KCNIP4: variants seen among roughly 807,000 people sequenced by gnomAD.
KCNIP4 encodes the protein Kv channel-interacting protein 4.
In KCNIP4, 12 loss-of-function variants were observed where a neutral mutation model predicts 34.0. That is an observed-to-expected ratio of 0.35 (90% confidence interval 0.23 to 0.57). The LOEUF (loss-of-function observed/expected upper bound fraction) is 0.57, where lower values mean the gene tolerates loss of function less well. KCNIP4 is among the 20% of genes least tolerant of loss of function. KCNIP4 has a pLI of 0.83. For missense variants in KCNIP4, 238 were observed against 311.7 expected, an observed-to-expected ratio of 0.76 and a Z score of 1.78; for synonymous variants, 124 against 102.2, an observed-to-expected ratio of 1.21 and a Z score of -1.29.
At chr4:21,062,190 T>A (rs908247410) in intron 1 of KCNIP4, among the ~76,000 whole-genome samples, 7 of 152,156 alleles carry the variant, frequency 4.6e-5, no homozygotes, top group Non-Finnish European at 1.0e-4. Context: ...TAGATGACAA[T>A]GTAAATTAAA....
At chr4:21,056,121 T>A (rs1005850390) in intron 1 of KCNIP4, among the ~76,000 whole-genome samples, 3 of 152,102 alleles carry the variant, frequency 2.0e-5, no homozygotes, top group African/African-American at 7.2e-5. Context: ...AAGTCTTTCT[T>A]AAAAAGAGTC....
chr4:21,393,829 A>G (rs1162826113), intron 1 of KCNIP4, among the ~76,000 whole-genome samples: 1 of 152,176 alleles, frequency 6.6e-6, no homozygotes, highest in East Asian at 1.9e-4. Flanking sequence ...AACATTTTAC[A>G]TTTAGGTAAA....
chr4:21,384,959 G>T (rs759844437), intron 1 of KCNIP4, among the ~76,000 whole-genome samples: 1 of 152,078 alleles, frequency 6.6e-6, no homozygotes, highest in Non-Finnish European at 1.5e-5. Flanking sequence ...TAAGAGGGGC[G>T]CTTTGTCTCT....
At chr4:20,938,104 G>A (rs1406191821) in intron 1 of KCNIP4, among the ~76,000 whole-genome samples, 1 of 151,950 alleles carries the variant, frequency 6.6e-6, no homozygotes, top group Non-Finnish European at 1.5e-5. Context: ...CAAAGAGACA[G>A]AGCTAATGAA....
chr4:21,022,701 G>A (rs913373301), intron 1 of KCNIP4, among the ~76,000 whole-genome samples: 11 of 152,102 alleles, frequency 7.2e-5, no homozygotes, highest in African/African-American at 2.4e-5. Context: ...CCTTACTAAA[G>A]TTATTATCAA....
intron 3 of KCNIP4, among the ~76,000 whole-genome samples, chr4:20,800,815 G>T (rs1301645615): frequency 6.6e-6 from 1 of 152,066 alleles, no homozygotes; most frequent in African/African-American, 2.4e-5. Flanking sequence ...ATAAATATTT[G>T]CATTATGAGA....
At chr4:21,361,882 T>C (rs1458176024) in intron 1 of KCNIP4, among the ~76,000 whole-genome samples, 2 of 152,118 alleles carry the variant, frequency 1.3e-5, no homozygotes, top group African/African-American at 4.8e-5. Flanking sequence ...GAATTTATAC[T>C]GTCCTTCAGG....
chr4:21,363,111 G>T (rs141229535), intron 1 of KCNIP4, among the ~76,000 whole-genome samples: 137 of 152,240 alleles, frequency 9.0e-4, no homozygotes, highest in African/African-American at 3.2e-3. Context: ...GCCTCAGAGA[G>T]GTTTAGAAAC....
chr4:21,341,931 C>T (rs570291005), intron 1 of KCNIP4, among the ~76,000 whole-genome samples: 30 of 152,220 alleles, frequency 2.0e-4, no homozygotes, highest in South Asian at 1.5e-3. Flanking sequence ...GTGCAGAATG[C>T]GAGATCTGCA....
At chr4:21,469,437 A>C (rs951005492) in intron 1 of KCNIP4, among the ~76,000 whole-genome samples, 4 of 152,160 alleles carry the variant, frequency 2.6e-5, no homozygotes, top group Non-Finnish European at 5.9e-5. Flanking sequence ...CTACAGAGTA[A>C]ATTTTTTCAA....
At chr4:21,388,312 C>T (rs1722224052) in intron 1 of KCNIP4, among the ~76,000 whole-genome samples, 1 of 150,952 alleles carries the variant, frequency 6.6e-6, no homozygotes, top group African/African-American at 2.4e-5. Context: ...AAAGCCTCAA[C>T]TGTTCCACAC....
intron 1 of KCNIP4, among the ~76,000 whole-genome samples, chr4:21,283,750 T>G (rs1456229055): frequency 6.6e-6 from 1 of 151,182 alleles, no homozygotes; most frequent in East Asian, 2.0e-4. Flanking sequence ...TGTATACATA[T>G]GTAACAAGCC....
At chr4:20,762,366 A>G (rs1330471632) in intron 3 of KCNIP4, among the ~76,000 whole-genome samples, 1 of 152,220 alleles carries the variant, frequency 6.6e-6, no homozygotes. Flanking sequence ...CTAAAGGGAC[A>G]CAAACATTCA....
intron 1 of KCNIP4, among the ~76,000 whole-genome samples, chr4:21,827,801 A>T (rs1215287969): frequency 6.6e-6 from 1 of 152,080 alleles, no homozygotes; most frequent in Non-Finnish European, 1.5e-5. Flanking sequence ...CTAAGTTTAC[A>T]CTACTGTGTC....
chr4:21,433,775 C>T (rs948220708), intron 1 of KCNIP4, among the ~76,000 whole-genome samples: 4 of 152,174 alleles, frequency 2.6e-5, no homozygotes, highest in Non-Finnish European at 5.9e-5. Context: ...ATCTCTTTAG[C>T]TGGATATTTG....
intron 1 of KCNIP4, among the ~76,000 whole-genome samples, chr4:21,417,274 GGT>G (rs139696783): frequency 4.7e-5 from 7 of 150,054 alleles, no homozygotes; most frequent in Admixed American, 6.7e-5. Context: ...TGTTTCTTGA[GGT>G]GTGTGTGTGT....
At chr4:21,443,762 A>G (rs926007008) in intron 1 of KCNIP4, among the ~76,000 whole-genome samples, 2 of 152,142 alleles carry the variant, frequency 1.3e-5, no homozygotes, top group Non-Finnish European at 2.9e-5. Context: ...GTGAGACTCC[A>G]TCTCCACACA....
intron 1 of KCNIP4, among the ~76,000 whole-genome samples, chr4:21,906,458 T>C (rs569594236): frequency 3.9e-5 from 6 of 152,228 alleles, no homozygotes; most frequent in Middle Eastern, 3.4e-3. Flanking sequence ...GCCACCAGAC[T>C]CTGGAAGAGG....
chr4:21,349,832 G>T (rs943657672), intron 1 of KCNIP4, among the ~76,000 whole-genome samples: 1 of 152,156 alleles, frequency 6.6e-6, no homozygotes, highest in Non-Finnish European at 1.5e-5. Context: ...GGGTCTTCAA[G>T]TATGGGGTAC....
Sources: gnomAD v4.1 joint callset for allele counts (sites outside exome capture counted in the v4.1 genomes callset) on GRCh38, gnomAD v4.1.1 for gene constraint, MANE v1.5 for transcripts, NCBI Gene and HGNC (gene_info 2026-07-23, HGNC 2026-07-21) for gene names.